GLIS1: variants seen among roughly 807,000 people sequenced by gnomAD.
GLIS1 encodes zinc finger protein GLIS1.
GLIS1 carries 24 observed loss-of-function variants against 63.8 expected under a neutral mutation model. The observed-to-expected ratio is 0.38, with a 90% CI of 0.27 to 0.53. The LOEUF is 0.53. Among genes scored for constraint, GLIS1 ranks in the 20% least tolerant of loss-of-function variants. GLIS1 has a pLI of 0.85. For missense variants in GLIS1, 1,036 were observed against 1,074.1 expected (o/e 0.96, Z 0.50); for synonymous variants, 450 against 482.5 (o/e 0.93, Z 0.88).
chr1:53,514,676 CTGG>C lies in GLIS1; in HGVS notation c.1829_1831del (p.Thr610del). 1 of 1,613,620 alleles carries C rather than the reference CTGG, an allele frequency of 6.2e-7. No homozygotes were observed. The highest frequency in any genetic ancestry group is 1.1e-5 in the South Asian group (1 of 91,062). ...CAGAGGGGACAGATGGTGGTGGGAA[CTGG>C]TGGTGGCATCCAGCGGGTGGTGCCT... is the stretch of plus-strand genomic sequence containing the variant. On this transcript the variant is annotated inframe_deletion, in exon 8 of 11. Transcript: ENST00000628545.
Position 53,594,579 on chromosome 1 carries a change from A to G in GLIS1, c.849T>C (p.Pro283=), listed in dbSNP as rs772488047. The G allele has an allele frequency of 2.5e-6, 4 of 1,595,186 alleles. No homozygotes were observed. The highest frequency in any genetic ancestry group is 3.4e-6 in the Non-Finnish European group (4 of 1,167,148). ...VTCVNGLRSP[P]LTGDLGGPSK... is the part of the protein sequence containing the mutation. ...AAGGGCCCCCCAGATCTCCCGTCAG[A>G]GGGGGGCTCCGGAGTCCATTTACAC... Residue 283 remains proline, a synonymous_variant, in exon 4 of 11, where the codon CCT becomes CCC. Coordinates refer to ENST00000628545, the MANE Select transcript of GLIS1 (RefSeq NM_001367484.1).
chr1:53,645,684 A>C (rs777244727), intron 2 of GLIS1, among the ~76,000 whole-genome samples: 10 of 152,216 alleles, frequency 6.6e-5, no homozygotes, highest in South Asian at 2.1e-4. Context: ...TTTCATGGTA[A>C]GCCATCTCCT....
At position 53,539,304 on chromosome 1, in the gene GLIS1, C is replaced by G. The variant is rs550377415; in HGVS notation, c.1321-9352G>C. ...CTCACACACACACACACACACTACACCTAAACACACACACCCCAATTCACC... is the reference window on the plus strand; with the variant it reads ...CTCACACACACACACACACACTACAGCTAAACACACACACCCCAATTCACC... On this transcript the variant is annotated intron_variant, in intron 4 of 10. Transcript: ENST00000628545. This position sits in a 1 kb window ranked among gnomAD's most constrained non-coding sequence, Gnocchi z 5.0. 3.7e-4 allele frequency among the ~76,000 whole-genome samples: 53 copies of G among 144,128 alleles called. No individual in the cohort carries two copies. The highest frequency in any genetic ancestry group is 1.4e-3 in the African/African-American group (53 of 36,880). The allele number at this position is 144,128 out of a possible 152,430, so 94.6% of individuals were successfully genotyped here.
chr1:53,523,680 A>T (rs1353198306), intron 6 of GLIS1, among the ~76,000 whole-genome samples: 2 of 152,144 alleles, frequency 1.3e-5, no homozygotes, highest in East Asian at 3.9e-4. Flanking sequence ...TAACCCAGCC[A>T]GGTGGGCTCT....
In GLIS1 at chr1:53,593,487, C is replaced by T. The variant is rs1193202655; in HGVS notation, c.1320+621G>A. ...TGCACGTGCGCATGTACACATAATGCTAGTGCCAGAAACCTGTCTCAACTC... is the reference window on the plus strand; with the variant it reads ...TGCACGTGCGCATGTACACATAATGTTAGTGCCAGAAACCTGTCTCAACTC... On this transcript the variant is annotated intron_variant, in intron 4 of 10. Coordinates refer to ENST00000628545, the MANE Select transcript of GLIS1 (RefSeq NM_001367484.1). Among the ~76,000 whole-genome samples the T allele has an allele frequency of 3.9e-5, 6 of 152,198 alleles. No homozygotes were observed. In the East Asian group the frequency reaches 9.6e-4, roughly 24 times the overall value.
intron 2 of GLIS1, among the ~76,000 whole-genome samples, chr1:53,677,396 C>A (rs1042817029): frequency 6.6e-6 from 1 of 152,096 alleles, no homozygotes; most frequent in African/African-American, 2.4e-5. Context: ...GGCAGGAATT[C>A]GAGTCTGCCA....
At chr1:53,733,931 C>T in intron 2 of GLIS1, 1 of 985,370 alleles carries the variant, frequency 1.0e-6, no homozygotes, top group Non-Finnish European at 1.2e-6. Flanking sequence ...GCTAGCCTTC[C>T]AAGGCCTCCC....
At chr1:53,570,878 A>T (rs1644977687) in intron 4 of GLIS1, among the ~76,000 whole-genome samples, 1 of 152,234 alleles carries the variant, frequency 6.6e-6, no homozygotes, top group Non-Finnish European at 1.5e-5. Context: ...TTATCAGAGG[A>T]TTTATCTGTA....
Position 53,639,766 on chromosome 1 carries a change from T to C in GLIS1, c.260-39488A>G, listed in dbSNP as rs1645766173. Among the ~76,000 whole-genome samples, 1 of 152,238 alleles carries C rather than the reference T, an allele frequency of 6.6e-6. No individual in the cohort carries two copies. The highest frequency in any genetic ancestry group is 2.4e-5 in the African/African-American group (1 of 41,536). Reference sequence around the variant, plus strand: ...AAGGACCAGGAGCACTGCTGTGGGCTTCAATGTATGCAAACCCTTCTCCCC... The same window carrying C: ...AAGGACCAGGAGCACTGCTGTGGGCCTCAATGTATGCAAACCCTTCTCCCC... On this transcript the variant is annotated intron_variant, in intron 2 of 10. Coordinates refer to ENST00000628545, the MANE Select transcript of GLIS1 (RefSeq NM_001367484.1). This position sits in a 1 kb window ranked among gnomAD's most constrained non-coding sequence, Gnocchi z 4.6.
In GLIS1 at chr1:53,695,415, G is replaced by A. The variant is rs546385178; in HGVS notation, c.259+42391C>T. On this transcript the variant is annotated intron_variant, in intron 2 of 10. Coordinates refer to ENST00000628545, the MANE Select transcript of GLIS1 (RefSeq NM_001367484.1). ...GAGTCACTTCCAGGCTGGGTGAGCT[G>A]AAGACTAACCAGAAGAAGGTGACAG... 1.2e-3 allele frequency among the ~76,000 whole-genome samples: 176 copies of A among 142,886 alleles called. 1 individual carries two copies. Among genetic ancestry groups the A allele is most frequent in the African/African-American group, 4.4e-3 (162 of 36,704 alleles). 93.7% of individuals were successfully genotyped at this position (142,886 alleles called of 152,430 possible).
rs146514349 is a variant in GLIS1, at chr1:53,518,474, T to C, written c.1726+2160A>G. Among the ~76,000 whole-genome samples the C allele has an allele frequency of 3.6e-3, 550 of 152,312 alleles. 1 individual carries two copies. The highest frequency in any genetic ancestry group is 0.013 in the African/African-American group (524 of 41,558). On this transcript the variant is annotated intron_variant, in intron 7 of 10. Transcript: ENST00000628545. ...CATGATTGTAAGGTGGACGAGTACA[T>C]AGTCATTCTTCTTGCTCACCATAAA...
intron 2 of GLIS1, among the ~76,000 whole-genome samples, chr1:53,668,983 A>G (rs1646124411): frequency 6.6e-6 from 1 of 152,166 alleles, no homozygotes; most frequent in South Asian, 2.1e-4. Context: ...AGGTGCTTTC[A>G]TACCCATTGT....
intron 2 of GLIS1, among the ~76,000 whole-genome samples, chr1:53,693,925 G>A (rs1444245440): frequency 6.6e-6 from 1 of 152,250 alleles, no homozygotes; most frequent in Non-Finnish European, 1.5e-5. Context: ...ACATGAGGAG[G>A]CTGTGTCATC....
chr1:53,559,829 C>G (rs114376307), intron 4 of GLIS1, among the ~76,000 whole-genome samples: 1 of 152,222 alleles, frequency 6.6e-6, no homozygotes, highest in East Asian at 1.9e-4. Context: ...ATCTACATCC[C>G]CCCCAGTCAT....
intron 2 of GLIS1, among the ~76,000 whole-genome samples, chr1:53,629,695 C>A (rs1438040972): frequency 3.3e-5 from 5 of 152,230 alleles, no homozygotes; most frequent in Non-Finnish European, 5.9e-5. Flanking sequence ...CACCTTCCTG[C>A]AAGAGGCCTG....
rs894049877 is a variant in GLIS1 at position 53,526,296 on chromosome 1, C to G, written c.1483-1409G>C. Among the ~76,000 whole-genome samples, 2 of 152,118 alleles carry G rather than the reference C, an allele frequency of 1.3e-5. No individual in the cohort carries two copies. The highest frequency in any genetic ancestry group is 2.9e-5 in the Non-Finnish European group (2 of 67,994). On this transcript the variant is annotated intron_variant, in intron 5 of 10. Coordinates refer to ENST00000628545, the MANE Select transcript of GLIS1 (RefSeq NM_001367484.1). The surrounding 1 kb of genome is among the most constrained non-coding windows in gnomAD (Gnocchi z 4.4). Reference sequence around the variant, plus strand: ...CAACCTCAGACCCAGGGAGAGGTACCCATGGCCCTGGGACCTCATGAGGAG... The same window carrying G: ...CAACCTCAGACCCAGGGAGAGGTACGCATGGCCCTGGGACCTCATGAGGAG...
At chr1:53,738,166 G>A (rs946581710) in intron 1 of GLIS1, 60 bp from the exon 2 acceptor site, 2 of 1,064,192 alleles carry the variant, frequency 1.9e-6, no homozygotes, top group Non-Finnish European at 2.4e-6. Context: ...GTATTGTCCC[G>A]GGGCCGAGTT....
chr1:53,618,553 G>A (rs1645506882), intron 2 of GLIS1, among the ~76,000 whole-genome samples: 2 of 152,324 alleles, frequency 1.3e-5, no homozygotes, highest in South Asian at 4.1e-4. Flanking sequence ...TCTGTGAGGG[G>A]CAGGGAGGCT....
chr1:53,732,645 A>G (rs797911), intron 2 of GLIS1, among the ~76,000 whole-genome samples: 9,370 of 152,166 alleles, frequency 0.062, 885 homozygotes, highest in African/African-American at 0.21. Flanking sequence ...TGCATAATGC[A>G]GTCCAAGTTT....
Sources: gnomAD v4.1 joint callset for allele counts (sites outside exome capture counted in the v4.1 genomes callset) on GRCh38, gnomAD v4.1.1 for gene constraint, Gnocchi (gnomAD v3.1) non-coding constraint, MANE v1.5 for transcripts, NCBI Gene and HGNC (gene_info 2026-07-23, HGNC 2026-07-21) for gene names.